MICU1: variants seen among roughly 807,000 people sequenced by gnomAD.
The protein encoded by MICU1 is calcium uptake protein 1, mitochondrial.
In MICU1, 45 loss-of-function variants were observed where a neutral mutation model predicts 56.8. That is an observed-to-expected ratio of 0.79 (90% CI 0.62 to 1.02). The LOEUF (loss-of-function observed/expected upper bound fraction) is 1.02. Among genes scored for constraint, MICU1 ranks in the 50% least tolerant of loss-of-function variants. The pLI is 0.00. For missense variants in MICU1, 504 were observed against 587.1 expected, an observed-to-expected ratio of 0.86 and a Z score of 1.46; for synonymous variants, 186 against 195.1, an observed-to-expected ratio of 0.95 and a Z score of 0.39.
At chr10:72,472,741 A>T (rs1564889312) in intron 8 of MICU1, among the ~76,000 whole-genome samples, 1 of 152,234 alleles carries the variant, frequency 6.6e-6, no homozygotes, top group Non-Finnish European at 1.5e-5. Context: ...TAACAAAACC[A>T]ATGTTACCAT....
At chr10:72,422,818 C>A (rs544885740) in intron 9 of MICU1, among the ~76,000 whole-genome samples, 71 of 120,698 alleles carry the variant, frequency 5.9e-4, no homozygotes, top group Non-Finnish European at 1.1e-3. Context: ...TCAAGTGATT[C>A]TTGTGCCTCA....
chr10:72,577,275 C>T (rs1435820043), intron 1 of MICU1, among the ~76,000 whole-genome samples: 3 of 151,742 alleles, frequency 2.0e-5, no homozygotes, highest in Non-Finnish European at 2.9e-5. Context: ...TTTGGGAGGC[C>T]GAGGCAGGCA....
chr10:72,617,920 C>G (rs1320665518), intron 1 of MICU1, among the ~76,000 whole-genome samples: 1 of 152,096 alleles, frequency 6.6e-6, no homozygotes, highest in Non-Finnish European at 1.5e-5. Flanking sequence ...AATCCTTGCA[C>G]TTTGGGAGGC....
At chr10:72,575,622 T>C (rs1458354385) in intron 1 of MICU1, among the ~76,000 whole-genome samples, 2 of 152,206 alleles carry the variant, frequency 1.3e-5, no homozygotes, top group Non-Finnish European at 2.9e-5. Context: ...TTCCAACTTT[T>C]TCATTATTAC....
chr10:72,619,439 C>T (rs776159562), intron 1 of MICU1, among the ~76,000 whole-genome samples: 3 of 152,088 alleles, frequency 2.0e-5, no homozygotes, highest in Non-Finnish European at 2.9e-5. Context: ...GTCAAGACTC[C>T]GTCTCAAAAA....
At chr10:72,588,886 T>A (rs1841142938) in intron 1 of MICU1, among the ~76,000 whole-genome samples, 1 of 152,192 alleles carries the variant, frequency 6.6e-6, no homozygotes, top group South Asian at 2.1e-4. Context: ...CCTTGAAGAA[T>A]TCATTGTAAA....
intron 4 of MICU1, among the ~76,000 whole-genome samples, chr10:72,548,340 T>C (rs1247453740): frequency 6.8e-6 from 1 of 147,812 alleles, no homozygotes; most frequent in Non-Finnish European, 1.5e-5. Flanking sequence ...AGTGTAGAGG[T>C]TGATTTAAAC....
intron 9 of MICU1, among the ~76,000 whole-genome samples, chr10:72,419,601 C>T (rs556857093): frequency 1.3e-5 from 2 of 152,316 alleles, no homozygotes; most frequent in South Asian, 4.1e-4. Context: ...GCTATGCATG[C>T]AACATTTCTT....
At chr10:72,460,122 G>A (rs1045586849) in intron 8 of MICU1, among the ~76,000 whole-genome samples, 1 of 152,106 alleles carries the variant, frequency 6.6e-6, no homozygotes, top group Non-Finnish European at 1.5e-5. Flanking sequence ...ACCTTTCAAT[G>A]GTTCCCTACA....
At chr10:72,394,388 G>T (rs1564843174) in intron 10 of MICU1, among the ~76,000 whole-genome samples, 1 of 152,198 alleles carries the variant, frequency 6.6e-6, no homozygotes, top group Non-Finnish European at 1.5e-5. Context: ...CACTTTGGGA[G>T]GCTAAGGCAG....
rs10823923 is a variant in MICU1, at chr10:72,448,151, C to G, written c.934-24780G>C. 7.6e-3 allele frequency among the ~76,000 whole-genome samples: 312 copies of G among 40,892 alleles called. 1 individual carries two copies. Among genetic ancestry groups the G allele is most frequent in the Middle Eastern group, 0.037 (2 of 54 alleles). 26.8% of individuals were successfully genotyped at this position (40,892 alleles called of 152,430 possible). A position where few individuals can be genotyped will look rare whatever the true frequency, so the allele number is the denominator to read the frequency against. Reference sequence around the variant, plus strand: ...TGTGTGTGTGTGTGTGTGTGTGTGTCTGTGTGTGTGTATATGTGTGTGTAT... The same window carrying G: ...TGTGTGTGTGTGTGTGTGTGTGTGTGTGTGTGTGTGTATATGTGTGTGTAT... On this transcript the variant is annotated intron_variant, in intron 8 of 11. Transcript: ENST00000361114.
chr10:72,555,511 T>C (rs1840137557), intron 3 of MICU1, among the ~76,000 whole-genome samples: 1 of 152,122 alleles, frequency 6.6e-6, no homozygotes, highest in African/African-American at 2.4e-5. Flanking sequence ...GGGAAAAGAA[T>C]ATAAAAAGAA....
intron 10 of MICU1, among the ~76,000 whole-genome samples, chr10:72,399,228 C>T (rs1443740030): frequency 2.0e-5 from 3 of 151,808 alleles, no homozygotes; most frequent in Admixed American, 6.6e-5. Flanking sequence ...AACCAAACAC[C>T]GCATGTTCTC....
intron 5 of MICU1, chr10:72,509,317 C>G: frequency 1.7e-6 from 2 of 1,179,830 alleles, no homozygotes; most frequent in African/African-American, 1.6e-5. Context: ...GCAGGCATAA[C>G]TTCAAGAGGA....
intron 6 of MICU1, among the ~76,000 whole-genome samples, chr10:72,483,012 T>A (rs968595235): frequency 6.6e-6 from 1 of 151,918 alleles, no homozygotes; most frequent in Non-Finnish European, 1.5e-5. Flanking sequence ...TGCGCCACCA[T>A]GCCTGGCTAA....
intron 3 of MICU1, among the ~76,000 whole-genome samples, chr10:72,551,690 AG>A (rs1840039506): frequency 2.0e-5 from 3 of 152,210 alleles, no homozygotes; most frequent in Admixed American, 2.0e-4. Flanking sequence ...TTTCAGTAAT[AG>A]GGTACAATGC....
At chr10:72,623,604 C>T (rs1240540727) in intron 1 of MICU1, among the ~76,000 whole-genome samples, 4 of 151,654 alleles carry the variant, frequency 2.6e-5, no homozygotes, top group African/African-American at 9.7e-5. Context: ...TTTGGGAGGC[C>T]GAGGCAGGTG....
chr10:72,539,278 A>G (rs1323733922), intron 4 of MICU1, among the ~76,000 whole-genome samples: 1 of 152,196 alleles, frequency 6.6e-6, no homozygotes. Context: ...TCCAACTGCT[A>G]CAGAATACAC....
intron 5 of MICU1, 130 bp downstream of exon 5, chr10:72,533,616 T>C (rs1360720825): frequency 1.6e-5 from 10 of 644,528 alleles, no homozygotes; most frequent in Non-Finnish European, 2.6e-5. Context: ...ACAGACCCCC[T>C]AACCTAAGCA....
Sources: gnomAD v4.1 joint callset for allele counts (sites outside exome capture counted in the v4.1 genomes callset) on GRCh38, gnomAD v4.1.1 for gene constraint, MANE v1.5 for transcripts, NCBI Gene and HGNC (gene_info 2026-07-23, HGNC 2026-07-21) for gene names.